Variants in PCDHA4 observed in about 807,000 individuals in gnomAD.
PCDHA4 encodes the protein protocadherin alpha 4, also known as protocadherin alpha-4.
In PCDHA4, 49 loss-of-function variants were observed where a neutral mutation model predicts 61.4. That is an observed-to-expected ratio of 0.80 (90% CI 0.63 to 1.01). The LOEUF (loss-of-function observed/expected upper bound fraction) is 1.01. Ranked by LOEUF, PCDHA4 falls within the 50% of genes least tolerant of loss-of-function variation. The pLI is 0.00. For synonymous variants in PCDHA4, 590 were observed against 550.3 expected (o/e 1.07, Z -1.01); for missense variants, 1,254 against 1,235.8 (o/e 1.01, Z -0.22).
rs782722148 is a variant in PCDHA4, at chr5:140,857,308, T to A, written c.2385+47736T>A. 2 of 1,597,818 alleles carry A rather than the reference T, an allele frequency of 1.3e-6. 1 individual carries two copies. Among genetic ancestry groups the A allele is most frequent in the African/African-American group, 2.7e-5 (2 of 74,344 alleles). Reference sequence around the variant, plus strand: ...TGGACCGCGAGAGGGTGTCGGCCTATGAGCTGGTGGTGACCGCGCGGGACG... The same window carrying A: ...TGGACCGCGAGAGGGTGTCGGCCTAAGAGCTGGTGGTGACCGCGCGGGACG... On this transcript the variant is annotated intron_variant, in intron 1 of 3. Coordinates refer to ENST00000530339, the MANE Select transcript of PCDHA4 (RefSeq NM_018907.4).
chr5:140,958,484 G>T (rs246009), intron 1 of PCDHA4, among the ~76,000 whole-genome samples: 1 of 151,754 alleles, frequency 6.6e-6, no homozygotes, highest in Non-Finnish European at 1.5e-5. Flanking sequence ...AGAGCACTAA[G>T]TCCACATATC....
intron 1 of PCDHA4, among the ~76,000 whole-genome samples, chr5:140,944,592 C>T (rs1225606041): frequency 2.6e-5 from 4 of 152,086 alleles, no homozygotes; most frequent in Non-Finnish European, 4.4e-5. Flanking sequence ...CAGAATTTCC[C>T]TGGGTAGAGT....
At chr5:140,895,367 CT>C (rs35382025) in intron 1 of PCDHA4, among the ~76,000 whole-genome samples, 1 of 152,014 alleles carries the variant, frequency 6.6e-6, no homozygotes, top group Non-Finnish European at 1.5e-5. Context: ...CTTATTGGCA[CT>C]TTTTGGAGTT....
chr5:140,994,519 A>G (rs1378534275), intron 3 of PCDHA4, among the ~76,000 whole-genome samples: 2 of 148,690 alleles, frequency 1.3e-5, no homozygotes, highest in Non-Finnish European at 3.0e-5. Context: ...CCTGGGCAAC[A>G]TGGCAAAACC....
chr5:141,000,015 G>A (rs960608216), intron 3 of PCDHA4, among the ~76,000 whole-genome samples: 8 of 151,984 alleles, frequency 5.3e-5, no homozygotes, highest in Non-Finnish European at 5.9e-5. Flanking sequence ...CCTCCCCATT[G>A]CTAAGCCTGA....
intron 1 of PCDHA4, chr5:140,926,774 A>G: frequency 7.2e-7 from 1 of 1,380,760 alleles, no homozygotes; most frequent in Non-Finnish European, 9.4e-7. Flanking sequence ...AGCCCGCAGC[A>G]GTGACGGCCG....
chr5:140,976,819 T>C (rs1380206599), intron 1 of PCDHA4, among the ~76,000 whole-genome samples: 3 of 152,222 alleles, frequency 2.0e-5, no homozygotes, highest in Admixed American at 2.0e-4. Flanking sequence ...TATGCATGTG[T>C]CTAATGAGCA....
rs2150124960 is a variant in PCDHA4 at position 140,823,354 on chromosome 5, G to C, written c.2385+13782G>C. ...GCTGCAGCCGCTGGACCACGAGGAA[G>C]TGGAGCTGCTGCAGTTCCAGGTGAG... On this transcript the variant is annotated intron_variant, in intron 1 of 3. Coordinates refer to ENST00000530339, the MANE Select transcript of PCDHA4 (RefSeq NM_018907.4). 30 of 1,612,450 alleles carry C rather than the reference G, an allele frequency of 1.9e-5. No individual in the cohort carries two copies. In the African/African-American group the frequency reaches 2.8e-4, roughly 15 times the overall value.
chr5:140,858,271 C>G (rs782492418), intron 1 of PCDHA4: 1 of 1,597,010 alleles, frequency 6.3e-7, no homozygotes, highest in Admixed American at 1.7e-5. Flanking sequence ...TGTGCTCTAG[C>G]GCGGTGGGGA....
At chr5:140,969,578 G>A (rs2096343344) in intron 1 of PCDHA4, 2 of 957,378 alleles carry the variant, frequency 2.1e-6, no homozygotes, top group Admixed American at 5.9e-5. Context: ...TGAGAAGTGA[G>A]GATTAGTCTT....
At chr5:140,933,003 G>A (rs1466484630) in intron 1 of PCDHA4, among the ~76,000 whole-genome samples, 5 of 151,902 alleles carry the variant, frequency 3.3e-5, no homozygotes, top group East Asian at 1.9e-4. Flanking sequence ...TATGAATATC[G>A]GAAATATTAA....
intron 1 of PCDHA4, chr5:140,864,371 G>C (rs1005201982): frequency 6.6e-6 from 1 of 151,926 alleles, no homozygotes; most frequent in Non-Finnish European, 1.5e-5. Context: ...TTCTATAATC[G>C]ATAAGTTTAT....
At position 140,829,859 on chromosome 5, in the gene PCDHA4, G is replaced by A. The variant is rs2150176388; in HGVS notation, c.2385+20287G>A. ...GCCGCGGTCACTGGGTGCAGGCCAAGTGGTGGCGAAGGTGCGCGCAGTTGA... is the reference window on the plus strand; with the variant it reads ...GCCGCGGTCACTGGGTGCAGGCCAAATGGTGGCGAAGGTGCGCGCAGTTGA... On this transcript the variant is annotated intron_variant, in intron 1 of 3. Coordinates refer to ENST00000530339, the MANE Select transcript of PCDHA4 (RefSeq NM_018907.4). 2.5e-6 allele frequency: 4 copies of A among 1,613,860 alleles called. No individual in the cohort carries two copies. In the African/African-American group the frequency reaches 4.0e-5, roughly 16 times the overall value.
At chr5:140,836,132 G>T in intron 1 of PCDHA4, 1 of 1,613,758 alleles carries the variant, frequency 6.2e-7, no homozygotes. Flanking sequence ...TTGTGCCGCG[G>T]TCTGTGGGCG....
intron 3 of PCDHA4, among the ~76,000 whole-genome samples, chr5:140,999,619 G>A (rs2097865766): frequency 6.6e-6 from 1 of 152,146 alleles, no homozygotes; most frequent in Non-Finnish European, 1.5e-5. Flanking sequence ...TTATCAACCA[G>A]GAAACAAGGT....
At chr5:140,927,108 C>T (rs782811125) in intron 1 of PCDHA4, 6 of 1,613,528 alleles carry the variant, frequency 3.7e-6, no homozygotes, top group African/African-American at 1.3e-5. Context: ...ATCTACCCAG[C>T]GGCAATTTGG....
intron 1 of PCDHA4, among the ~76,000 whole-genome samples, chr5:140,832,632 C>T (rs1197058685): frequency 1.3e-5 from 2 of 151,992 alleles, no homozygotes; most frequent in Admixed American, 6.6e-5. Context: ...TAAAAAGTTC[C>T]TAGGAGGGTC....
chr5:140,808,752 C>T lies in PCDHA4; in HGVS notation c.1565C>T (p.Pro522Leu), dbSNP rs1554124761. ...AGCGGCAAGGTGTACGCGCTGCAGC[C>T]GCTGGACCACGAGGAGCTAGAGCTG... ...AESGKVYALQ[P>L]LDHEELELLQ... Residue 522 changes from proline (P) to leucine (L), a missense_variant, in exon 1 of 4, where the codon CCG (proline) becomes CTG (leucine). Transcript: ENST00000530339. 1 of 1,612,236 alleles carries T rather than the reference C, an allele frequency of 6.2e-7. No individual in the cohort carries two copies. The highest frequency in any genetic ancestry group is 1.7e-5 in the Admixed American group (1 of 60,020).
Position 140,852,234 on chromosome 5 carries a change from C to T in PCDHA4, c.2385+42662C>T, listed in dbSNP as rs2150513960. On this transcript the variant is annotated intron_variant, in intron 1 of 3. Coordinates refer to ENST00000530339, the MANE Select transcript of PCDHA4 (RefSeq NM_018907.4). The stretch of plus-strand genomic sequence containing the variant: ...AAAATATTTTAATTTTTAAATTTTC[C>T]CTTAAAACACACTTTTGGAATATGC... 9.0e-5 allele frequency: 51 copies of T among 567,386 alleles called. 1 individual carries two copies. In the East Asian group the frequency reaches 2.4e-3, roughly 26 times the overall value. 35.1% of individuals were successfully genotyped at this position (567,386 alleles called of 1,614,324 possible).
Sources: gnomAD v4.1 joint callset for allele counts (sites outside exome capture counted in the v4.1 genomes callset) on GRCh38, gnomAD v4.1.1 for gene constraint, MANE v1.5 for transcripts, NCBI Gene and HGNC (gene_info 2026-07-23, HGNC 2026-07-21) for gene names.